Variants in ITPR1 observed in about 807,000 individuals in gnomAD.
The protein encoded by ITPR1 is inositol 1,4,5-trisphosphate-gated calcium channel ITPR1.
Under a neutral mutation model 318.4 loss-of-function variants are expected in ITPR1, and 96 were observed. The ratio of observed to expected loss-of-function variants is 0.30; its 90% confidence interval spans 0.26 to 0.36. The LOEUF (loss-of-function observed/expected upper bound fraction) is 0.36, where lower values mean the gene tolerates loss of function less well. Among genes scored for constraint, ITPR1 ranks in the 10% least tolerant of loss-of-function variants. The pLI is 1.00. For missense variants in ITPR1, 2,440 were observed against 3,460.2 expected, an observed-to-expected ratio of 0.71 and a Z score of 7.40; for synonymous variants, 1,312 against 1,289.9, an observed-to-expected ratio of 1.02 and a Z score of -0.37.
At chr3:4,650,775 C>T (rs2093580491) in intron 10 of ITPR1, among the ~76,000 whole-genome samples, 1 of 152,052 alleles carries the variant, frequency 6.6e-6, no homozygotes, top group South Asian at 2.1e-4. Context: ...CCTGCCCTGA[C>T]CAACCCACGC....
In ITPR1 at chr3:4,693,757, C is replaced by T. The variant is rs1329651145; in HGVS notation, c.4281+16C>T. On this transcript the variant is annotated intron_variant, in intron 33 of 61. Transcript: ENST00000649015. ...CATCCCTGAGGTGAGCGAGCCCAGC[C>T]TGGCTGTGCCCTTCTCGTTGCTATG... is the stretch of plus-strand genomic sequence containing the variant. 1.0e-5 allele frequency: 16 copies of T among 1,603,230 alleles called. No individual in the cohort carries two copies. Among genetic ancestry groups the T allele is most frequent in the African/African-American group, 1.3e-5 (1 of 74,708 alleles).
At chr3:4,726,088 G>GGCACAACCTTGGCTCACT (rs2042493674) in intron 41 of ITPR1, among the ~76,000 whole-genome samples, 1 of 152,098 alleles carries the variant, frequency 6.6e-6, no homozygotes, top group Admixed American at 6.6e-5. Context: ...GGAGTGCAGT[G>GGCACAACCTTGGCTCACT]GCACAACCTT....
intron 46 of ITPR1, among the ~76,000 whole-genome samples, chr3:4,769,398 G>A (rs2046040259): frequency 6.6e-6 from 1 of 152,136 alleles, no homozygotes; most frequent in Admixed American, 6.5e-5. Flanking sequence ...TAGGCACTCA[G>A]GTAAAAATGG....
chr3:4,706,629 G>A (rs749015823), intron 37 of ITPR1, among the ~76,000 whole-genome samples: 1 of 152,184 alleles, frequency 6.6e-6, no homozygotes, highest in Non-Finnish European at 1.5e-5. Flanking sequence ...AGGAAGTATT[G>A]AAGTATTACA....
rs78212573 is a variant in ITPR1 at position 4,517,028 on chromosome 3, T to C, written c.92+445T>C. ...CCTCCTGGGCTGCCTATCTCTTTTC[T>C]TTGAAGCAGACATTTCCTATTTTAC... On this transcript the variant is annotated intron_variant, in intron 3 of 61. Coordinates refer to ENST00000649015, the MANE Select transcript of ITPR1 (RefSeq NM_001378452.1). Among the ~76,000 whole-genome samples the C allele has an allele frequency of 6.9e-3, 1,053 of 152,360 alleles. 12 individuals are homozygous for C. The highest frequency in any genetic ancestry group is 0.024 in the African/African-American group (1,003 of 41,588).
At chr3:4,726,053 A>G (rs540853984) in intron 41 of ITPR1, among the ~76,000 whole-genome samples, 20 of 152,156 alleles carry the variant, frequency 1.3e-4, no homozygotes, top group Non-Finnish European at 2.2e-4. Context: ...TTTTTTTGAG[A>G]CAAAGTCTTG....
chr3:4,584,753 C>T (rs1371432452), intron 4 of ITPR1, among the ~76,000 whole-genome samples: 4 of 152,018 alleles, frequency 2.6e-5, no homozygotes, highest in African/African-American at 4.8e-5. Context: ...TTCTCCCTTC[C>T]AGCCCTGCCT....
chr3:4,541,763 C>G (rs1353519851), intron 4 of ITPR1, among the ~76,000 whole-genome samples: 1 of 151,930 alleles, frequency 6.6e-6, no homozygotes, highest in African/African-American at 2.4e-5. Context: ...GTAGCTGGGA[C>G]TACCAGCACG....
intron 4 of ITPR1, among the ~76,000 whole-genome samples, chr3:4,584,371 T>C (rs2089662988): frequency 6.6e-6 from 1 of 152,114 alleles, no homozygotes; most frequent in Non-Finnish European, 1.5e-5. Flanking sequence ...ATGTGGCTTA[T>C]TCCTTGGAGC....
chr3:4,586,672 C>G (rs573266392), intron 4 of ITPR1, among the ~76,000 whole-genome samples: 1 of 151,614 alleles, frequency 6.6e-6, no homozygotes, highest in African/African-American at 2.4e-5. Context: ...CCATGCCCAG[C>G]TAATTTTTTA....
chr3:4,659,032 A>G (rs920664340), intron 13 of ITPR1, among the ~76,000 whole-genome samples: 4 of 152,236 alleles, frequency 2.6e-5, no homozygotes, highest in South Asian at 2.1e-4. Flanking sequence ...TAAGCAACAT[A>G]TCATAAGTCA....
chr3:4,619,580 CCCTTCCCCTGCCCTCCCCTGCTCTCCT>C (rs2092520977), intron 4 of ITPR1, among the ~76,000 whole-genome samples: 1 of 109,194 alleles, frequency 9.2e-6, no homozygotes, highest in African/African-American at 4.4e-5. Context: ...TTCCCCTTCC[CCCTTCCCCTGCCCTCCCCTGCTCTCCT>C]CTGCCCTCCC....
At chr3:4,745,041 TC>T (rs2043994591) in intron 44 of ITPR1, among the ~76,000 whole-genome samples, 4 of 70,356 alleles carry the variant, frequency 5.7e-5, no homozygotes, top group Non-Finnish European at 8.2e-5. Flanking sequence ...TTCTTCTTTA[TC>T]TCTTTCTTTT....
chr3:4,543,973 G>T (rs2084721897), intron 4 of ITPR1, among the ~76,000 whole-genome samples: 1 of 152,158 alleles, frequency 6.6e-6, no homozygotes, highest in Non-Finnish European at 1.5e-5. Context: ...AGCTGCAGTG[G>T]TTCCAGGCAT....
In ITPR1 at chr3:4,710,954, G is replaced by A. The variant is rs1457290160; in HGVS notation, c.4991+481G>A. On this transcript the variant is annotated intron_variant, in intron 38 of 61. Transcript: ENST00000649015. This position sits in a 1 kb window ranked among gnomAD's most constrained non-coding sequence, Gnocchi z 4.2. ...AGGCCGGACACGGTGGCTCATGCCT[G>A]TAATCCCAGCACTTTGGGAGGCCGG... 1.3e-5 allele frequency among the ~76,000 whole-genome samples: 2 copies of A among 152,194 alleles called. No individual in the cohort carries two copies. The highest frequency in any genetic ancestry group is 2.9e-5 in the Non-Finnish European group (2 of 68,028).
intron 2 of ITPR1, among the ~76,000 whole-genome samples, chr3:4,506,292 A>T (rs1026413423): frequency 6.6e-6 from 1 of 152,038 alleles, no homozygotes; most frequent in Non-Finnish European, 1.5e-5. Flanking sequence ...TGCTGCAGAC[A>T]TTGGGCTGGC....
intron 44 of ITPR1, chr3:4,750,094 C>T (rs942191537): frequency 1.3e-5 from 2 of 152,752 alleles, no homozygotes; most frequent in Admixed American, 1.3e-4. Flanking sequence ...CTGTGGTGCT[C>T]GAACCTCCTT....
At chr3:4,565,431 C>G (rs889148835) in intron 4 of ITPR1, among the ~76,000 whole-genome samples, 1 of 152,282 alleles carries the variant, frequency 6.6e-6, no homozygotes, top group African/African-American at 2.4e-5. Flanking sequence ...TGTTCTTTAT[C>G]CCTGAGTTTA....
intron 59 of ITPR1, among the ~76,000 whole-genome samples, chr3:4,816,982 T>C (rs1378197164): frequency 6.6e-6 from 1 of 152,250 alleles, no homozygotes; most frequent in Non-Finnish European, 1.5e-5. Flanking sequence ...TTTGTATTTG[T>C]AACTACATGG....
Sources: gnomAD v4.1 joint callset for allele counts (sites outside exome capture counted in the v4.1 genomes callset) on GRCh38, gnomAD v4.1.1 for gene constraint, Gnocchi (gnomAD v3.1) non-coding constraint, MANE v1.5 for transcripts, NCBI Gene and HGNC (gene_info 2026-07-23, HGNC 2026-07-21) for gene names.